RP1: variants seen among roughly 807,000 people sequenced by gnomAD.
The protein encoded by RP1 is RP1 axonemal microtubule associated.
A neutral mutation model predicts 14.8 loss-of-function variants in RP1; 16 were observed. The ratio of observed to expected loss-of-function variants is 1.08; its 90% CI spans 0.73 to 1.65. RP1 has a LOEUF of 1.65. Among genes scored for constraint, RP1 ranks in the 40% most tolerant of loss-of-function variants. RP1 has a pLI of 0.00. For missense variants in RP1, 2,631 were observed against 2,535.0 expected, an observed-to-expected ratio of 1.04 and a Z score of -0.81; for synonymous variants, 876 against 883.6, an observed-to-expected ratio of 0.99 and a Z score of 0.15.
At chr8:54,795,267 A>G (rs1019233260) in intron 24 of RP1, among the ~76,000 whole-genome samples, 3 of 152,116 alleles carry the variant, frequency 2.0e-5, no homozygotes, top group Non-Finnish European at 4.4e-5. Context: ...TCTTGAAGAG[A>G]TATCTGCACC....
intron 25 of RP1, among the ~76,000 whole-genome samples, chr8:54,843,630 G>A (rs1811842469): frequency 1.3e-5 from 2 of 152,182 alleles, no homozygotes; most frequent in African/African-American, 4.8e-5. Flanking sequence ...TTGGTGACCT[G>A]AGAGAAAGCA....
chr8:54,607,639 G>C (rs1467858060), intron 1 of RP1, among the ~76,000 whole-genome samples: 3 of 152,192 alleles, frequency 2.0e-5, no homozygotes, highest in African/African-American at 2.4e-5. Flanking sequence ...CCTGCCCCCA[G>C]AGGTGGAGTC....
rs1806141969 is a variant in RP1, at chr8:54,628,372, A to G, written c.4490A>G (p.Glu1497Gly). Reference protein sequence around the residue: ...EQATEELIQEEVEASKTLELI... With the variant: ...EQATEELIQEGVEASKTLELI... ...GCCACTGAAGAATTAATCCAAGAAG[A>G]GGTAGAGGCTAGTAAAACTTTAGAA... Residue 1497 changes from glutamate (E) to glycine (G), a missense_variant, in exon 4 of 4, where the codon GAG (glutamate) becomes GGG (glycine). By Grantham distance (98) the Glu-to-Gly change is moderately conservative (BLOSUM62 -2). Coordinates refer to ENST00000220676, the MANE Select transcript of RP1 (RefSeq NM_006269.2). 1 of 1,613,724 alleles carries G rather than the reference A, an allele frequency of 6.2e-7. No individual in the cohort carries two copies. Among genetic ancestry groups the G allele is most frequent in the East Asian group, 2.2e-5 (1 of 44,852 alleles).
intron 28 of RP1, chr8:54,865,962 C>A (rs560188666): frequency 3.6e-6 from 3 of 821,944 alleles, no homozygotes; most frequent in South Asian, 6.2e-5. Flanking sequence ...TCTCTTTGTC[C>A]AATTTATTCC....
chr8:54,737,920 G>A (rs746454303), intron 18 of RP1, among the ~76,000 whole-genome samples: 3 of 152,032 alleles, frequency 2.0e-5, no homozygotes, highest in Non-Finnish European at 4.4e-5. Flanking sequence ...GTAGATTGGT[G>A]CCTGTAGTAG....
At chr8:54,668,564 C>T (rs963274313) in intron 7 of RP1, among the ~76,000 whole-genome samples, 4 of 152,146 alleles carry the variant, frequency 2.6e-5, no homozygotes, top group African/African-American at 9.7e-5. Flanking sequence ...GCCCACATTG[C>T]CAAGACAATC....
rs565854060 is a variant in RP1 at position 54,680,712 on chromosome 8, A to C, written c.1717+779A>C. On this transcript the variant is annotated intron_variant, in intron 12 of 22. Transcript: ENST00000636932. ...GGTGGCTCATGCCTGTAATCTCAGC[A>C]CTTTGGGAGGCCGAGGTGGGCGGAT... Among the ~76,000 whole-genome samples the C allele has an allele frequency of 3.9e-5, 6 of 152,120 alleles. No individual in the cohort carries two copies. In the East Asian group the frequency reaches 1.2e-3, roughly 29 times the overall value.
chr8:54,699,727 T>C (rs922154041), intron 13 of RP1, among the ~76,000 whole-genome samples: 1 of 152,156 alleles, frequency 6.6e-6, no homozygotes, highest in African/African-American at 2.4e-5. Flanking sequence ...CTGTGATGCA[T>C]AAATGGTTCC....
At chr8:54,652,071 G>A (rs1298342081) in intron 4 of RP1, among the ~76,000 whole-genome samples, 1 of 150,506 alleles carries the variant, frequency 6.6e-6, no homozygotes, top group Non-Finnish European at 1.5e-5. Context: ...GCAGTGGCAT[G>A]ATCTCAGCTC....
intron 1 of RP1, among the ~76,000 whole-genome samples, chr8:54,569,077 T>C (rs1231308749): frequency 6.6e-6 from 1 of 152,160 alleles, no homozygotes; most frequent in Non-Finnish European, 1.5e-5. Flanking sequence ...TTATTAATAA[T>C]GCAAAAAAGA....
chr8:54,754,970 A>G, intron 20 of RP1: 1 of 1,446,574 alleles, frequency 6.9e-7, no homozygotes, highest in Non-Finnish European at 9.1e-7. Flanking sequence ...TCTATTCCAT[A>G]GACAAATTGT....
chr8:54,747,910 G>A (rs1349615397), intron 19 of RP1, among the ~76,000 whole-genome samples: 2 of 152,220 alleles, frequency 1.3e-5, no homozygotes, highest in Non-Finnish European at 2.9e-5. Context: ...CCCTTCTCTT[G>A]GCCCATGGCC....
Position 54,747,476 on chromosome 8 carries a change from C to T in RP1, c.2809-7327C>T, listed in dbSNP as rs149194128. 1.1e-3 allele frequency among the ~76,000 whole-genome samples: 174 copies of T among 152,296 alleles called. 1 individual carries two copies. The highest frequency in any genetic ancestry group is 1.8e-3 in the Non-Finnish European group (121 of 68,032). ...CACTAGAAAGTGAGTGACTTGAGAA[C>T]AGGAACTTTGTATTATTCAGTGTTA... On this transcript the variant is annotated intron_variant, in intron 19 of 22. Coordinates refer to the RP1 transcript ENST00000636932.
At chr8:54,638,020 A>G (rs1011014466) in intron 3 of RP1, among the ~76,000 whole-genome samples, 5 of 152,146 alleles carry the variant, frequency 3.3e-5, no homozygotes, top group African/African-American at 4.8e-5. Flanking sequence ...TCAGCTGTGC[A>G]GTTGTCATCC....
At chr8:54,564,737 AC>A (rs1319985682) in intron 1 of RP1, among the ~76,000 whole-genome samples, 1 of 152,090 alleles carries the variant, frequency 6.6e-6, no homozygotes, top group East Asian at 1.9e-4. Flanking sequence ...GGACTTAGAG[AC>A]CCAGCACACC....
chr8:54,833,523 G>T (rs766899236), intron 24 of RP1, among the ~76,000 whole-genome samples: 25 of 151,978 alleles, frequency 1.6e-4, no homozygotes, highest in Non-Finnish European at 3.1e-4. Context: ...TTGCCAAGAT[G>T]TATCAAGATT....
chr8:54,760,169 TC>T (rs1431526587), intron 22 of RP1, among the ~76,000 whole-genome samples: 2 of 152,204 alleles, frequency 1.3e-5, no homozygotes, highest in Non-Finnish European at 2.9e-5. Context: ...GTAGCCCTCG[TC>T]TTTTTTGCCT....
intron 12 of RP1, among the ~76,000 whole-genome samples, chr8:54,686,087 C>A (rs565774420): frequency 6.6e-6 from 1 of 152,274 alleles, no homozygotes; most frequent in South Asian, 2.1e-4. Flanking sequence ...ATATGCTAGT[C>A]TTGCCATATA....
At position 54,663,852 on chromosome 8, in the gene RP1, T is replaced by A. The variant is rs115833568; in HGVS notation, c.1323+2T>A. The A allele has an allele frequency of 2.0e-6, 3 of 1,520,174 alleles. No homozygotes were observed. In the South Asian group the frequency reaches 3.7e-5, roughly 19 times the overall value. 94.2% of individuals were successfully genotyped at this position (1,520,174 alleles called of 1,614,324 possible). On this transcript the variant is annotated splice_donor_variant, in intron 7 of 22. Coordinates refer to the RP1 transcript ENST00000636932. LOFTEE classifies it high-confidence loss of function. ...TCCTTCAATTTTTTAAGAGGACAAGTAAGCAAAATGCCCTTTGATTTTAAA... is the reference window on the plus strand; with the variant it reads ...TCCTTCAATTTTTTAAGAGGACAAGAAAGCAAAATGCCCTTTGATTTTAAA...
Sources: gnomAD v4.1 joint callset for allele counts (sites outside exome capture counted in the v4.1 genomes callset) on GRCh38, gnomAD v4.1.1 for gene constraint, MANE v1.5 for transcripts, NCBI Gene and HGNC (gene_info 2026-07-23, HGNC 2026-07-21) for gene names.